UGT2A1: variants seen among roughly 807,000 people sequenced by gnomAD.
UGT2A1 encodes the protein UDP glucuronosyltransferase family 2 member A1 complex locus.
In UGT2A1, 61 loss-of-function variants were observed where a neutral mutation model predicts 45.4. The observed-to-expected ratio is 1.34, with a 90% CI of 1.09 to 1.66. The LOEUF (loss-of-function observed/expected upper bound fraction) is 1.66. Ranked by LOEUF, UGT2A1 falls within the 40% of genes most tolerant of loss-of-function variation. The pLI is 0.00. For synonymous variants in UGT2A1, 229 were observed against 196.2 expected, an observed-to-expected ratio of 1.17 and a Z score of -1.40; for missense variants, 649 against 574.3, an observed-to-expected ratio of 1.13 and a Z score of -1.33.
intron 1 of UGT2A1, 173 bp from the exon 2 acceptor site, chr4:69,647,871 T>A (rs939937131): frequency 5.7e-6 from 2 of 350,056 alleles, no homozygotes; most frequent in African/African-American, 4.3e-5. Flanking sequence ...TTGTTTTAAT[T>A]TTAGTGTTTT....
chr4:69,641,106 G>A (rs1408364574), intron 2 of UGT2A1, among the ~76,000 whole-genome samples: 1 of 151,752 alleles, frequency 6.6e-6, no homozygotes, highest in Non-Finnish European at 1.5e-5. Context: ...AGCTGCAATA[G>A]CACATAAAAG....
chr4:69,618,456 A>T (rs961903850), intron 3 of UGT2A1, among the ~76,000 whole-genome samples: 1 of 151,930 alleles, frequency 6.6e-6, no homozygotes, highest in African/African-American at 2.4e-5. Context: ...ATTCTAACAC[A>T]TTTCTAACTT....
Position 69,589,488 on chromosome 4 carries a change from C to A in UGT2A1, c.1468G>T (p.Asp490Tyr). Residue 490 changes from aspartate (D) to tyrosine (Y), a missense_variant, in exon 7 of 7, where the codon GAT becomes TAT. Physicochemically the swap from Asp to Tyr is radical, Grantham distance 160. Transcript: ENST00000286604. ...CAGACCAGCAAGAACCCAATTACAT[C>A]CAAAGAGTGGTACTGGAACCAGGTG... The part of the protein sequence containing the change: ...DLTWFQYHSL[D>Y]VIGFLLVCVT... 1.2e-6 allele frequency: 2 copies of A among 1,614,052 alleles called. No individual in the cohort carries two copies. Among genetic ancestry groups the A allele is most frequent in the Non-Finnish European group, 1.7e-6 (2 of 1,180,008 alleles).
In UGT2A1 at chr4:69,647,271, A is replaced by C; in HGVS notation, c.374T>G (p.Ile125Ser). The C allele has an allele frequency of 6.2e-7, 1 of 1,613,362 alleles. No homozygotes were observed. The highest frequency in any genetic ancestry group is 8.5e-7 in the Non-Finnish European group (1 of 1,179,526). ...TTGGTTTTTAAGAACGCCATCACAG[A>C]TCTCCTGAGACACCATGTGGAAGTC... is the stretch of plus-strand genomic sequence containing the variant. ...IKDFHMVSQE[I>S]CDGVLKNQQL... The change falls in exon 2 of 7, where the codon ATC (isoleucine) becomes AGC (serine). Residue 125 changes from isoleucine (I) to serine (S), a missense_variant. Coordinates refer to ENST00000286604, the MANE Select transcript of UGT2A1 (RefSeq NM_001252275.3).
At chr4:69,601,092 T>G (rs1432313) in intron 3 of UGT2A1, among the ~76,000 whole-genome samples, 38,732 of 152,050 alleles carry the variant, frequency 0.25, 5,422 homozygotes, top group African/African-American at 0.37. Flanking sequence ...ACTGCAAATG[T>G]GAGAACTGCC....
At chr4:69,634,049 T>C (rs1226882541) in intron 3 of UGT2A1, among the ~76,000 whole-genome samples, 2 of 151,846 alleles carry the variant, frequency 1.3e-5, no homozygotes, top group Admixed American at 1.3e-4. Flanking sequence ...ATCGAGACCA[T>C]CCTGGCTAAC....
intron 6 of UGT2A1, among the ~76,000 whole-genome samples, chr4:69,592,067 T>C (rs1718624369): frequency 6.6e-6 from 1 of 151,946 alleles, no homozygotes; most frequent in African/African-American, 2.4e-5. Flanking sequence ...AACTGTTGAG[T>C]GTCTTTCTTT....
chr4:69,614,674 C>T (rs1303632546), intron 3 of UGT2A1, among the ~76,000 whole-genome samples: 1 of 152,140 alleles, frequency 6.6e-6, no homozygotes, highest in East Asian at 1.9e-4. Flanking sequence ...TGTACATCTA[C>T]AGTAAACTAC....
chr4:69,629,009 G>T (rs544505816), intron 3 of UGT2A1, among the ~76,000 whole-genome samples: 4 of 151,298 alleles, frequency 2.6e-5, no homozygotes, highest in Non-Finnish European at 5.9e-5. Flanking sequence ...GATATCAGGT[G>T]ATACATGGTT....
intron 4 of UGT2A1, chr4:69,596,475 T>C: frequency 7.4e-7 from 1 of 1,360,084 alleles, no homozygotes; most frequent in Non-Finnish European, 9.6e-7. Flanking sequence ...TTAAGATATA[T>C]GTCAGAGAAA....
intron 3 of UGT2A1, among the ~76,000 whole-genome samples, chr4:69,631,418 A>C (rs528378027): frequency 6.6e-6 from 1 of 152,276 alleles, no homozygotes; most frequent in East Asian, 1.9e-4. Flanking sequence ...GCTTCAGTGG[A>C]GAGTTACATC....
Position 69,605,092 on chromosome 4 carries a change from A to C in UGT2A1, c.848-5698T>G, listed in dbSNP as rs189108973. 2.2e-5 allele frequency among the ~76,000 whole-genome samples: 3 copies of C among 137,010 alleles called. 1 individual carries two copies. The East Asian group carries it at 6.2e-4, about 28-fold the overall frequency. The allele number at this position is 137,010 out of a possible 152,430, so 89.9% of individuals were successfully genotyped here. A position where few individuals can be genotyped will look rare whatever the true frequency, so the allele number is the denominator to read the frequency against. On this transcript the variant is annotated intron_variant, in intron 3 of 6. Coordinates refer to ENST00000286604, the MANE Select transcript of UGT2A1 (RefSeq NM_001252275.3). ...AGACCTAATACACATCTACAGAATT[A>C]TCCACCCCAAATCAACAGAATATAC...
In UGT2A1 at chr4:69,594,598, C is replaced by G. The variant is rs376828121; in HGVS notation, c.1183G>C (p.Ala395Pro). ...TGAGCAATGTTATCAGGCTGATCAG[C>G]AAACATGGGAACTCCCACCATAGGG... The part of the protein sequence containing the change: ...GVPMVGVPMF[A>P]DQPDNIAHMK... Residue 395 changes from alanine to proline, a missense_variant, in exon 6 of 7, where the codon GCT becomes CCT. By Grantham distance (27) the Ala-to-Pro change is conservative. Transcript: ENST00000286604. 6.2e-7 allele frequency: 1 copy of G among 1,614,144 alleles called. No individual in the cohort carries two copies. Among genetic ancestry groups the G allele is most frequent in the South Asian group, 1.1e-5 (1 of 91,076 alleles).
At position 69,599,385 on chromosome 4, in the gene UGT2A1, G is replaced by A. The variant is rs1379506526; in HGVS notation, c.857C>T (p.Thr286Ile). Residue 286 changes from threonine (T) to isoleucine (I), a missense_variant, in exon 4 of 7, where the codon ACT (threonine) becomes ATT (isoleucine). By Grantham distance (89) the Thr-to-Ile change is moderately conservative. Coordinates refer to ENST00000286604, the MANE Select transcript of UGT2A1 (RefSeq NM_001252275.3). ...WDYRLPAGRP[T>I]TLCETMGKAE... Reference sequence around the variant, plus strand: ...TTTCCCCATAGTCTCACATAACGTAGTGGGTCTTCCTGGAGAAAATGTAAC... The same window carrying A: ...TTTCCCCATAGTCTCACATAACGTAATGGGTCTTCCTGGAGAAAATGTAAC... 1.9e-6 allele frequency: 3 copies of A among 1,613,092 alleles called. No individual in the cohort carries two copies. Among genetic ancestry groups the A allele is most frequent in the Non-Finnish European group, 2.5e-6 (3 of 1,179,746 alleles).
intron 3 of UGT2A1, among the ~76,000 whole-genome samples, chr4:69,630,873 A>G (rs1283836595): frequency 6.6e-6 from 1 of 152,028 alleles, no homozygotes; most frequent in Non-Finnish European, 1.5e-5. Context: ...TCAATTATAC[A>G]TATATTATAT....
At chr4:69,606,664 T>C (rs1222540295) in intron 3 of UGT2A1, among the ~76,000 whole-genome samples, 1 of 136,910 alleles carries the variant, frequency 7.3e-6, no homozygotes, top group Non-Finnish European at 1.6e-5. Context: ...ATTGTATATC[T>C]AGAAAACACC....
At chr4:69,611,238 T>G (rs1560477665) in intron 3 of UGT2A1, among the ~76,000 whole-genome samples, 1 of 131,130 alleles carries the variant, frequency 7.6e-6, no homozygotes, top group African/African-American at 3.0e-5. Context: ...CTCGACCTCC[T>G]GGCTTCAAGC....
chr4:69,597,381 G>T (rs1718990420), intron 4 of UGT2A1, among the ~76,000 whole-genome samples: 1 of 152,080 alleles, frequency 6.6e-6, no homozygotes, highest in Non-Finnish European at 1.5e-5. Flanking sequence ...ATATAAATTT[G>T]TCTGCCAATA....
At chr4:69,639,372 C>A in intron 2 of UGT2A1, 1 of 1,613,624 alleles carries the variant, frequency 6.2e-7, no homozygotes, top group African/African-American at 1.3e-5. Flanking sequence ...ATCTATATTG[C>A]TCTTCTTGTA....
Sources: gnomAD v4.1 joint callset for allele counts (sites outside exome capture counted in the v4.1 genomes callset) on GRCh38, gnomAD v4.1.1 for gene constraint, MANE v1.5 for transcripts, NCBI Gene and HGNC (gene_info 2026-07-23, HGNC 2026-07-21) for gene names.